PTPRG: variants seen among roughly 807,000 people sequenced by gnomAD.
PTPRG encodes the protein protein tyrosine phosphatase receptor type G.
A neutral mutation model predicts 165.3 loss-of-function variants in PTPRG; 102 were observed. That is an observed-to-expected ratio of 0.62 (90% CI 0.53 to 0.73). The LOEUF (loss-of-function observed/expected upper bound fraction) is 0.73, where lower values mean the gene tolerates loss of function less well. PTPRG is among the 30% of genes least tolerant of loss of function. The pLI is 0.00. For missense variants in PTPRG, 1,866 were observed against 1,861.4 expected (o/e 1.00, Z -0.05); for synonymous variants, 675 against 669.5 (o/e 1.01, Z -0.13).
chr3:62,053,411 C>T (rs1467382622), intron 4 of PTPRG, among the ~76,000 whole-genome samples: 7 of 151,966 alleles, frequency 4.6e-5, no homozygotes, highest in East Asian at 1.9e-4. Flanking sequence ...GGATTACAGG[C>T]GTCCGCCATC....
intron 13 of PTPRG, among the ~76,000 whole-genome samples, chr3:62,221,781 C>T (rs1407116046): frequency 1.3e-5 from 2 of 152,210 alleles, no homozygotes; most frequent in Admixed American, 1.3e-4. Flanking sequence ...TGGCCCTTTG[C>T]AGTTATTCTG....
In PTPRG at chr3:62,003,394, T is replaced by C. The variant is rs750068236; in HGVS notation, c.416T>C (p.Leu139Pro). The change falls in exon 4 of 30, where the codon CTA (leucine) becomes CCA (proline). Residue 139 changes from leucine (L) to proline (P), a missense_variant. Leu to Pro is a moderately conservative substitution (Grantham distance 98). Coordinates refer to ENST00000474889, the MANE Select transcript of PTPRG (RefSeq NM_002841.4). Reference sequence around the variant, plus strand: ...GACTATTTTGTCAGTGGAGCTGGTCTACCTGGCAGATTCAAAGCTGAGAAG... The same window carrying C: ...GACTATTTTGTCAGTGGAGCTGGTCCACCTGGCAGATTCAAAGCTGAGAAG... ...KDDYFVSGAGLPGRFKAEKVE... is the reference protein window; with the variant it reads ...KDDYFVSGAGPPGRFKAEKVE... 1.2e-6 allele frequency: 2 copies of C among 1,614,114 alleles called. No individual in the cohort carries two copies. Among genetic ancestry groups the C allele is most frequent in the Non-Finnish European group, 1.7e-6 (2 of 1,179,944 alleles).
intron 2 of PTPRG, among the ~76,000 whole-genome samples, chr3:61,757,975 A>C (rs1429086787): frequency 6.6e-6 from 1 of 152,228 alleles, no homozygotes; most frequent in African/African-American, 2.4e-5. Flanking sequence ...GATTTACTTA[A>C]GGGCTACCAG....
In PTPRG at chr3:62,296,264, A is replaced by G. The variant is rs1265705124; in HGVS notation, c.*2957A>G. ...TTTATGCCTTTAGAGTTTTTAGTCTATTCAAGTAGAAGAGTCCAGCGAGGC... is the reference window on the plus strand; with the variant it reads ...TTTATGCCTTTAGAGTTTTTAGTCTGTTCAAGTAGAAGAGTCCAGCGAGGC... On this transcript the variant is annotated 3_prime_UTR_variant, in exon 30 of 30. Coordinates refer to ENST00000474889, the MANE Select transcript of PTPRG (RefSeq NM_002841.4). The G allele has an allele frequency of 6.6e-6, 1 of 151,964 alleles. No individual in the cohort carries two copies. The highest frequency in any genetic ancestry group is 2.4e-5 in the African/African-American group (1 of 41,398). The allele number at this position is 151,964 out of a possible 1,614,324, so 9.4% of individuals were successfully genotyped here. A position where few individuals can be genotyped will look rare whatever the true frequency, so the allele number is the denominator to read the frequency against.
At chr3:61,977,982 G>A (rs919862784) in intron 2 of PTPRG, among the ~76,000 whole-genome samples, 2 of 152,150 alleles carry the variant, frequency 1.3e-5, no homozygotes, top group African/African-American at 4.8e-5. Flanking sequence ...CTTCTGAGTA[G>A]CTGGGATTGC....
chr3:61,856,616 A>G (rs2037113476), intron 2 of PTPRG, among the ~76,000 whole-genome samples: 1 of 152,200 alleles, frequency 6.6e-6, no homozygotes, highest in Admixed American at 6.5e-5. Flanking sequence ...GTTTATAAAT[A>G]TAGAACTATA....
chr3:61,802,899 A>G (rs952750135), intron 2 of PTPRG, among the ~76,000 whole-genome samples: 1 of 152,100 alleles, frequency 6.6e-6, no homozygotes. Context: ...GCAAAAACAC[A>G]TTTGCTGGCC....
At chr3:61,785,773 A>T (rs1316446243) in intron 2 of PTPRG, among the ~76,000 whole-genome samples, 1 of 152,212 alleles carries the variant, frequency 6.6e-6, no homozygotes, top group African/African-American at 2.4e-5. Context: ...GAGAACTCAT[A>T]AGCAGTTACC....
At chr3:61,755,921 A>G (rs1024943604) in intron 2 of PTPRG, among the ~76,000 whole-genome samples, 5 of 152,182 alleles carry the variant, frequency 3.3e-5, no homozygotes, top group African/African-American at 1.2e-4. Flanking sequence ...CACTGGTTGT[A>G]GGGTTAAGGA....
At chr3:61,756,131 G>C (rs1363321643) in intron 2 of PTPRG, among the ~76,000 whole-genome samples, 2 of 152,170 alleles carry the variant, frequency 1.3e-5, no homozygotes, top group African/African-American at 2.4e-5. Context: ...GTGGTGGGTT[G>C]GTTGAAAAGA....
chr3:61,683,133 A>C (rs1227159594), intron 1 of PTPRG, among the ~76,000 whole-genome samples: 1 of 152,190 alleles, frequency 6.6e-6, no homozygotes, highest in Non-Finnish European at 1.5e-5. Flanking sequence ...TCATTATGGA[A>C]TCTTTGAGGT....
chr3:62,104,543 A>T (rs564131305), intron 5 of PTPRG, among the ~76,000 whole-genome samples: 344 of 152,354 alleles, frequency 2.3e-3, no homozygotes, highest in Non-Finnish European at 3.0e-3. Flanking sequence ...GTAAATTATG[A>T]TGAAGTACCT....
intron 4 of PTPRG, among the ~76,000 whole-genome samples, chr3:62,062,271 C>A (rs996459246): frequency 2.0e-5 from 3 of 152,124 alleles, no homozygotes. Flanking sequence ...TGCACTCCAT[C>A]CTGGGCAACA....
intron 5 of PTPRG, among the ~76,000 whole-genome samples, 175 bp downstream of exon 5, chr3:62,078,433 CAT>C (rs1701462982): frequency 6.6e-6 from 1 of 152,072 alleles, no homozygotes; most frequent in African/African-American, 2.4e-5. Flanking sequence ...TGTTTAGAAA[CAT>C]AATGAAAATT....
At chr3:61,601,267 C>G (rs1700859397) in intron 1 of PTPRG, among the ~76,000 whole-genome samples, 1 of 152,080 alleles carries the variant, frequency 6.6e-6, no homozygotes, top group African/African-American at 2.4e-5. Context: ...AAAAGCAAAA[C>G]AGAGCAAAAC....
chr3:62,140,384 T>G (rs768189634), intron 6 of PTPRG, among the ~76,000 whole-genome samples: 2 of 152,184 alleles, frequency 1.3e-5, no homozygotes, highest in Admixed American at 6.5e-5. Flanking sequence ...AACACAGATA[T>G]AGAAGTTATA....
chr3:61,902,197 G>A (rs2038516142), intron 2 of PTPRG, among the ~76,000 whole-genome samples: 1 of 152,170 alleles, frequency 6.6e-6, no homozygotes, highest in African/African-American at 2.4e-5. Flanking sequence ...TCTGTTTCCA[G>A]GCTGATTGGA....
intron 4 of PTPRG, among the ~76,000 whole-genome samples, chr3:62,076,177 C>CTTAGGAGGCTGAGGTGGGAGGA (rs1701376396): frequency 6.6e-6 from 1 of 151,990 alleles, no homozygotes; most frequent in Non-Finnish European, 1.5e-5. Context: ...GTCCCAGCTG[C>CTTAGGAGGCTGAGGTGGGAGGA]TTAGGAGGCT....
intron 2 of PTPRG, among the ~76,000 whole-genome samples, chr3:61,817,148 T>TATATATAATATATAATATATAATA (rs2035804467): frequency 8.4e-6 from 1 of 118,492 alleles, no homozygotes; most frequent in Admixed American, 1.0e-4. Flanking sequence ...ATATATTACA[T>TATATATAATATATAATATATAATA]ATATATAATA....
Sources: allele counts gnomAD v4.1 joint callset (sites outside exome capture counted in the v4.1 genomes callset), GRCh38; gene constraint gnomAD v4.1.1; transcripts MANE v1.5; gene names NCBI Gene and HGNC (gene_info 2026-07-23, HGNC 2026-07-21).